NPAS3: variants seen among roughly 807,000 people sequenced by gnomAD.
NPAS3 encodes neuronal PAS domain-containing protein 3.
In NPAS3, 14 loss-of-function variants were observed where a neutral mutation model predicts 73.1. The ratio of observed to expected loss-of-function variants is 0.19; its 90% CI spans 0.13 to 0.30. NPAS3 has a LOEUF of 0.30. Among genes scored for constraint, NPAS3 ranks in the 10% least tolerant of loss-of-function variants. The pLI, the probability that NPAS3 is intolerant of heterozygous loss-of-function variation, is 1.00. For missense variants in NPAS3, 1,096 were observed against 1,250.0 expected, an observed-to-expected ratio of 0.88 and a Z score of 1.86; for synonymous variants, 620 against 541.5, an observed-to-expected ratio of 1.14 and a Z score of -2.01.
intron 3 of NPAS3, among the ~76,000 whole-genome samples, chr14:33,266,558 A>G (rs1053753874): frequency 2.6e-5 from 4 of 152,176 alleles, no homozygotes; most frequent in Non-Finnish European, 5.9e-5. Context: ...CAATTTAATT[A>G]TTGCCTACTG....
chr14:33,023,416 A>G (rs1389251168), intron 1 of NPAS3, among the ~76,000 whole-genome samples: 1 of 152,074 alleles, frequency 6.6e-6, no homozygotes, highest in African/African-American at 2.4e-5. Context: ...TATTTCTTCT[A>G]TGTATCTTAT....
intron 1 of NPAS3, among the ~76,000 whole-genome samples, chr14:33,026,523 A>C (rs2039807253): frequency 6.6e-6 from 1 of 150,880 alleles, no homozygotes; most frequent in Non-Finnish European, 1.5e-5. Flanking sequence ...CAATGTGCTA[A>C]GTGATTTTCC....
chr14:33,496,145 C>G (rs1267149909), intron 4 of NPAS3, among the ~76,000 whole-genome samples: 2 of 152,090 alleles, frequency 1.3e-5, no homozygotes, highest in Non-Finnish European at 2.9e-5. Flanking sequence ...AAGACTGAAT[C>G]AGGAAGAAAT....
At chr14:33,459,311 T>A (rs2050154912) in intron 4 of NPAS3, among the ~76,000 whole-genome samples, 1 of 152,212 alleles carries the variant, frequency 6.6e-6, no homozygotes, top group African/African-American at 2.4e-5. Context: ...CCAGCTACTA[T>A]TCGAGATGGA....
Position 33,774,450 on chromosome 14 carries a change from G to C in NPAS3, c.966G>C (p.Thr322=), listed in dbSNP as rs377477911. Residue 322 remains threonine, a synonymous_variant, in exon 8 of 12, where the codon ACG becomes ACC. Coordinates refer to ENST00000356141, the Ensembl canonical transcript of NPAS3. Reference sequence around the variant, plus strand: ...TTGCGCATGCCTTGCCTCCCCCTACGATCAATGAAGTCAGAATTGACTGCC... The same window carrying C: ...TTGCGCATGCCTTGCCTCCCCCTACCATCAATGAAGTCAGAATTGACTGCC... 28 of 1,614,110 alleles carry C rather than the reference G, an allele frequency of 1.7e-5. 1 individual carries two copies. In the South Asian group the frequency reaches 3.0e-4, roughly 17 times the overall value.
intron 4 of NPAS3, among the ~76,000 whole-genome samples, chr14:33,540,980 C>T (rs941414859): frequency 1.3e-5 from 2 of 151,826 alleles, no homozygotes; most frequent in Non-Finnish European, 2.9e-5. Flanking sequence ...AATGCGTTTT[C>T]CCCCCCAAGT....
In NPAS3 at chr14:32,959,975, AAT is replaced by A. The variant is rs1491362428; in HGVS notation, c.50+20610_50+20611del. The stretch of plus-strand genomic sequence containing the variant: ...TCTAATGATGTTTTATGTGAGTTTC[AAT>A]TTTTTTTTTTTTTTTTTTTGGTGAG... On this transcript the variant is annotated intron_variant, in intron 1 of 11. Transcript: ENST00000356141. Among the ~76,000 whole-genome samples the A allele has an allele frequency of 8.3e-5, 10 of 120,826 alleles. No individual in the cohort carries two copies. In the East Asian group the frequency reaches 1.2e-3, roughly 14 times the overall value. The allele number at this position is 120,826 out of a possible 152,430, so 79.3% of individuals were successfully genotyped here.
chr14:33,421,381 T>A (rs1308644817), intron 4 of NPAS3, among the ~76,000 whole-genome samples: 1 of 151,852 alleles, frequency 6.6e-6, no homozygotes, highest in Non-Finnish European at 1.5e-5. Flanking sequence ...AAAAAAATAA[T>A]TTGGTTCCTA....
chr14:33,667,238 C>A (rs2059477982), intron 5 of NPAS3, among the ~76,000 whole-genome samples: 1 of 152,198 alleles, frequency 6.6e-6, no homozygotes. Context: ...CAACACCTGA[C>A]TCGTGCCTTC....
At position 33,593,540 on chromosome 14, in the gene NPAS3, C is replaced by T. The variant is rs372374618; in HGVS notation, c.558+33330C>T. 3.0e-4 allele frequency among the ~76,000 whole-genome samples: 45 copies of T among 152,324 alleles called. No individual in the cohort carries two copies. The East Asian group carries it at 6.8e-3, about 23-fold the overall frequency. On this transcript the variant is annotated intron_variant, in intron 5 of 11. Transcript: ENST00000356141. ...GCCAGTGCGCATTTGGGGGAAACTG[C>T]AGATGCCAGCCAGCCCTGAGTCCAT...
At chr14:33,678,499 T>C (rs72664514) in intron 6 of NPAS3, among the ~76,000 whole-genome samples, 3,020 of 152,302 alleles carry the variant, frequency 0.02, 41 homozygotes, top group Middle Eastern at 0.031. Context: ...CTCACCATCC[T>C]AGTCATCCTG....
chr14:33,650,835 C>A (rs2058971246), intron 5 of NPAS3, among the ~76,000 whole-genome samples: 1 of 152,168 alleles, frequency 6.6e-6, no homozygotes, highest in South Asian at 2.1e-4. Flanking sequence ...TCGTGGTGAG[C>A]CCCTCAAAGG....
chr14:33,512,873 A>G (rs1331959842), intron 4 of NPAS3, among the ~76,000 whole-genome samples: 1 of 152,076 alleles, frequency 6.6e-6, no homozygotes, highest in Non-Finnish European at 1.5e-5. Context: ...TGACTTTTAT[A>G]TCACTGTATA....
intron 4 of NPAS3, among the ~76,000 whole-genome samples, chr14:33,444,660 G>A (rs906266645): frequency 6.6e-6 from 1 of 152,220 alleles, no homozygotes; most frequent in Non-Finnish European, 1.5e-5. Flanking sequence ...ATGTGGATCG[G>A]CCTGGGTAGT....
intron 2 of NPAS3, among the ~76,000 whole-genome samples, chr14:33,180,401 C>T (rs1018641794): frequency 3.3e-5 from 5 of 152,064 alleles, no homozygotes; most frequent in African/African-American, 9.7e-5. Flanking sequence ...TCATTTTACC[C>T]GAGATTTGCG....
chr14:33,060,380 G>A (rs973718763), intron 2 of NPAS3, among the ~76,000 whole-genome samples: 4 of 152,140 alleles, frequency 2.6e-5, no homozygotes, highest in African/African-American at 9.7e-5. Flanking sequence ...AATTACTAAC[G>A]TTTATTGAGC....
intron 4 of NPAS3, among the ~76,000 whole-genome samples, chr14:33,502,741 C>T (rs2052577710): frequency 6.6e-6 from 1 of 151,910 alleles, no homozygotes; most frequent in South Asian, 2.1e-4. Context: ...TGTGCTAAAA[C>T]CTTCTCCTAG....
chr14:33,285,504 A>T (rs1022675465), intron 3 of NPAS3, among the ~76,000 whole-genome samples: 2 of 152,182 alleles, frequency 1.3e-5, no homozygotes, highest in Non-Finnish European at 2.9e-5. Context: ...AGTCAACAAC[A>T]ATGAGGCCCA....
intron 4 of NPAS3, among the ~76,000 whole-genome samples, chr14:33,504,901 C>T (rs780761756): frequency 2.0e-5 from 3 of 151,884 alleles, no homozygotes; most frequent in Non-Finnish European, 4.4e-5. Context: ...CTGAGAACTA[C>T]GGAGACAGAT....
Sources: allele counts gnomAD v4.1 joint callset (sites outside exome capture counted in the v4.1 genomes callset), GRCh38; gene constraint gnomAD v4.1.1; transcripts MANE v1.5; gene names NCBI Gene and HGNC (gene_info 2026-07-23, HGNC 2026-07-21).